DNAH12: variants seen among roughly 807,000 people sequenced by gnomAD.
DNAH12 encodes the protein axonemal beta dynein heavy chain 12.
In DNAH12, 285 loss-of-function variants were observed where a neutral mutation model predicts 371.5. That is an observed-to-expected ratio of 0.77 (90% CI 0.70 to 0.85). The LOEUF (loss-of-function observed/expected upper bound fraction) is 0.85, where lower values mean the gene tolerates loss of function less well. Among genes scored for constraint, DNAH12 ranks in the 40% least tolerant of loss-of-function variants. The pLI, the probability that DNAH12 is intolerant of heterozygous loss-of-function variation, is 0.00. For synonymous variants in DNAH12, 1,200 were observed against 1,213.0 expected, an observed-to-expected ratio of 0.99 and a Z score of 0.22; for missense variants, 3,611 against 3,689.4, an observed-to-expected ratio of 0.98 and a Z score of 0.55.
At position 57,446,740 on chromosome 3, in the gene DNAH12, A is replaced by T. The variant is rs566911892; in HGVS notation, c.3787-51T>A. 9.6e-5 allele frequency: 133 copies of T among 1,390,112 alleles called. 1 individual carries two copies. In the South Asian group the frequency reaches 2.5e-3, roughly 26 times the overall value. The allele number at this position is 1,390,112 out of a possible 1,614,324, so 86.1% of individuals were successfully genotyped here. ...GAAATCCATGCTTAAATTTAAAAAAACAACAGACACTTGTTTACCAAATGG... is the reference window on the plus strand; with the variant it reads ...GAAATCCATGCTTAAATTTAAAAAATCAACAGACACTTGTTTACCAAATGG... On this transcript the variant is annotated intron_variant, in intron 25 of 73. Coordinates refer to ENST00000495027, the MANE Select transcript of DNAH12 (RefSeq NM_001366028.2).
At chr3:57,524,701 C>G (rs1280969635) in intron 2 of DNAH12, among the ~76,000 whole-genome samples, 1 of 151,984 alleles carries the variant, frequency 6.6e-6, no homozygotes, top group African/African-American at 2.4e-5. Flanking sequence ...TAGCAATGAG[C>G]TTTAAATGAA....
At position 57,383,726 on chromosome 3, in the gene DNAH12, C is replaced by T. The variant is rs1371669054; in HGVS notation, c.7860+1103G>A. On this transcript the variant is annotated intron_variant, in intron 49 of 73. Coordinates refer to ENST00000495027, the MANE Select transcript of DNAH12 (RefSeq NM_001366028.2). ...GGTGAGCTATGATCACATCGTTGCA[C>T]TCCAACCTGGGTGACAGAGTGAGAC... is the stretch of plus-strand genomic sequence containing the variant. Among the ~76,000 whole-genome samples, 35 of 146,142 alleles carry T rather than the reference C, an allele frequency of 2.4e-4. No homozygotes were observed. The East Asian group carries it at 7.1e-3, about 30-fold the overall frequency.
At chr3:57,328,815 T>A (rs998246747) in intron 62 of DNAH12, among the ~76,000 whole-genome samples, 4 of 130,036 alleles carry the variant, frequency 3.1e-5, no homozygotes, top group Non-Finnish European at 6.3e-5. Flanking sequence ...GAAAACCCCA[T>A]TGTCTCAGCC....
At chr3:57,512,802 G>A (rs1207268749) in intron 4 of DNAH12, among the ~76,000 whole-genome samples, 2 of 152,108 alleles carry the variant, frequency 1.3e-5, no homozygotes, top group Non-Finnish European at 2.9e-5. Flanking sequence ...GCAAAGTCAT[G>A]GAACCAACCC....
chr3:57,457,118 C>T (rs777543178), intron 22 of DNAH12, among the ~76,000 whole-genome samples: 2 of 152,080 alleles, frequency 1.3e-5, no homozygotes, highest in Non-Finnish European at 2.9e-5. Flanking sequence ...GTTTTCACAC[C>T]TCCACTAATC....
intron 25 of DNAH12, among the ~76,000 whole-genome samples, chr3:57,450,250 T>TAAAAAACAAA (rs2065718008): frequency 1.0e-5 from 1 of 98,580 alleles, no homozygotes; most frequent in African/African-American, 4.0e-5. Flanking sequence ...TGTCTCAATT[T>TAAAAAACAAA]AAAAAAAAAA....
rs1340595392 is a variant in DNAH12 at position 57,369,707 on chromosome 3, T to C, written c.8760-1447A>G. On this transcript the variant is annotated intron_variant, in intron 55 of 73. Transcript: ENST00000495027. ...GTTACCTAGTAGTTAGACTAGTAAA[T>C]GCTTTTAGTACCTTTCAAGCCCCTG... is the stretch of plus-strand genomic sequence containing the variant. Among the ~76,000 whole-genome samples, 7 of 152,332 alleles carry C rather than the reference T, an allele frequency of 4.6e-5. 1 individual carries two copies. The highest frequency in any genetic ancestry group is 8.8e-5 in the Non-Finnish European group (6 of 68,018).
intron 70 of DNAH12, among the ~76,000 whole-genome samples, chr3:57,300,898 TTCTG>T (rs1022326642): frequency 6.6e-6 from 1 of 152,018 alleles, no homozygotes; most frequent in Non-Finnish European, 1.5e-5. Context: ...AAAAGCAGTG[TTCTG>T]TCTGATGTTT....
Position 57,428,634 on chromosome 3 carries a change from T to C in DNAH12, c.5252A>G (p.Lys1751Arg). ...PSLNQRKKKC[K>R]ELIPTSNSNV... ...TAGGTCAGAGAATTATAGGATTACC[T>C]TGCATTTTTTCTTACGCTGGTTTAA... Residue 1751 changes from lysine to arginine, a missense_variant and splice_region_variant, in exon 34 of 74, where the codon AAG becomes AGG. Lys to Arg is a conservative substitution (Grantham distance 26). Coordinates refer to ENST00000495027, the MANE Select transcript of DNAH12 (RefSeq NM_001366028.2). 1.3e-6 allele frequency: 2 copies of C among 1,529,178 alleles called. No homozygotes were observed. The highest frequency in any genetic ancestry group is 1.3e-5 in the South Asian group (1 of 79,472). 94.7% of individuals were successfully genotyped at this position (1,529,178 alleles called of 1,614,324 possible). A position where few individuals can be genotyped will look rare whatever the true frequency, so the allele number is the denominator to read the frequency against.
At chr3:57,303,108 C>T (rs1035414215) in intron 69 of DNAH12, among the ~76,000 whole-genome samples, 12 of 151,422 alleles carry the variant, frequency 7.9e-5, no homozygotes, top group South Asian at 6.3e-4. Context: ...GAGAGGCCGA[C>T]GCGGGTGCAT....
chr3:57,397,844 A>AC (rs2063777058), intron 43 of DNAH12, among the ~76,000 whole-genome samples: 1 of 152,168 alleles, frequency 6.6e-6, no homozygotes, highest in Admixed American at 6.5e-5. Flanking sequence ...AATGATTGGG[A>AC]GGGGTGGCTG....
At chr3:57,501,462 A>T in intron 10 of DNAH12, 50 bp from the exon 11 acceptor site, 4 of 1,390,098 alleles carry the variant, frequency 2.9e-6, no homozygotes, top group Non-Finnish European at 3.9e-6. Flanking sequence ...TTTTTAGAAG[A>T]TAAAACACTT....
chr3:57,346,689 C>T (rs1189481044), intron 60 of DNAH12, among the ~76,000 whole-genome samples: 3 of 151,970 alleles, frequency 2.0e-5, no homozygotes, highest in Admixed American at 6.5e-5. Flanking sequence ...AAGCAAGACC[C>T]AACTATATGC....
intron 69 of DNAH12, among the ~76,000 whole-genome samples, chr3:57,306,418 C>A (rs548428568): frequency 6.6e-6 from 1 of 152,162 alleles, no homozygotes; most frequent in East Asian, 1.9e-4. Context: ...TTTTAGTTAT[C>A]CCCACCTGCC....
Position 57,454,980 on chromosome 3 carries a change from T to G in DNAH12, c.3337-86A>C, listed in dbSNP as rs942662107. 7.6e-6 allele frequency: 11 copies of G among 1,451,456 alleles called. No homozygotes were observed. The Admixed American group carries it at 2.8e-4, about 37-fold the overall frequency. The allele number at this position is 1,451,456 out of a possible 1,614,324, so 89.9% of individuals were successfully genotyped here. ...TCTAACAATAGAGAAATGTAATATT[T>G]GGCACATACATAGGCTAGAATGTCA... On this transcript the variant is annotated intron_variant, in intron 22 of 73. Transcript: ENST00000495027.
At chr3:57,343,023 GA>G (rs1324782866) in intron 60 of DNAH12, among the ~76,000 whole-genome samples, 2 of 151,874 alleles carry the variant, frequency 1.3e-5, no homozygotes, top group Non-Finnish European at 2.9e-5. Context: ...AGTGAGCCAA[GA>G]AAGTGCCACT....
chr3:57,552,017 G>T, the DNAH12 span, among the ~76,000 whole-genome samples: 1 of 151,090 alleles, frequency 6.6e-6, no homozygotes, highest in Non-Finnish European at 1.5e-5. Flanking sequence ...GGCTGAGGTG[G>T]GCATATCATG....
At position 57,403,612 on chromosome 3, in the gene DNAH12, T is replaced by C. The variant is rs551847103; in HGVS notation, c.6756-111A>G. ...AAGAATGTGACTCTGCTGTCCCATA[T>C]GTTACTATCCCAATTTTAAAGAGTT... On this transcript the variant is annotated intron_variant, in intron 42 of 73. Transcript: ENST00000495027. The C allele has an allele frequency of 5.1e-6, 5 of 987,630 alleles. No individual in the cohort carries two copies. In the Admixed American group the frequency reaches 1.0e-4, roughly 20 times the overall value. 61.2% of individuals were successfully genotyped at this position (987,630 alleles called of 1,614,324 possible). A position where few individuals can be genotyped will look rare whatever the true frequency, so the allele number is the denominator to read the frequency against.
intron 60 of DNAH12, among the ~76,000 whole-genome samples, chr3:57,337,604 A>G (rs1553654196): frequency 6.6e-6 from 1 of 152,188 alleles, no homozygotes; most frequent in African/African-American, 2.4e-5. Context: ...GGTTGTGGTG[A>G]ACCAAGATTG....
Sources: gnomAD v4.1 joint callset for allele counts (sites outside exome capture counted in the v4.1 genomes callset) on GRCh38, gnomAD v4.1.1 for gene constraint, MANE v1.5 for transcripts, NCBI Gene and HGNC (gene_info 2026-07-23, HGNC 2026-07-21) for gene names.